EYS: variants seen among roughly 807,000 people sequenced by gnomAD.
The protein encoded by EYS is protein eyes shut homolog.
EYS carries 250 observed loss-of-function variants against 282.1 expected under a neutral mutation model. The observed-to-expected ratio is 0.89, with a 90% CI of 0.80 to 0.98. The LOEUF (loss-of-function observed/expected upper bound fraction) is 0.98. Among genes scored for constraint, EYS ranks in the 50% least tolerant of loss-of-function variants. The pLI is 0.00. For synonymous variants in EYS, 1,355 were observed against 1,282.9 expected, an observed-to-expected ratio of 1.06 and a Z score of -1.20; for missense variants, 4,016 against 3,709.0, an observed-to-expected ratio of 1.08 and a Z score of -2.15.
At chr6:64,510,633 A>T (rs921343938) in intron 26 of EYS, among the ~76,000 whole-genome samples, 2 of 152,196 alleles carry the variant, frequency 1.3e-5, no homozygotes, top group African/African-American at 4.8e-5. Flanking sequence ...AATTGCTGTA[A>T]ATTGTTTTAA....
chr6:65,182,050 G>A (rs932240631), intron 12 of EYS, among the ~76,000 whole-genome samples: 30 of 151,914 alleles, frequency 2.0e-4, no homozygotes, highest in Admixed American at 1.8e-3. Flanking sequence ...ACACACCGGG[G>A]CCTGTTTTGG....
chr6:64,524,585 C>T (rs1777857082), intron 26 of EYS, among the ~76,000 whole-genome samples: 2 of 151,876 alleles, frequency 1.3e-5, no homozygotes, highest in South Asian at 4.2e-4. Context: ...CCTAGGTTGT[C>T]TTCTAGGGTT....
At chr6:64,206,633 C>T (rs898686513) in intron 31 of EYS, among the ~76,000 whole-genome samples, 1 of 152,030 alleles carries the variant, frequency 6.6e-6, no homozygotes, top group Non-Finnish European at 1.5e-5. Flanking sequence ...TCATGATAGC[C>T]ATATGCTAAG....
intron 32 of EYS, among the ~76,000 whole-genome samples, chr6:64,077,983 A>AT (rs1771830139): frequency 6.6e-6 from 1 of 151,840 alleles, no homozygotes; most frequent in Non-Finnish European, 1.5e-5. Context: ...CTTTCTAAGG[A>AT]TTTTTACCGT....
At chr6:65,442,389 T>A (rs1768366455) in intron 5 of EYS, among the ~76,000 whole-genome samples, 1 of 152,048 alleles carries the variant, frequency 6.6e-6, no homozygotes, top group Non-Finnish European at 1.5e-5. Context: ...ACTTAGAAAT[T>A]TTATTATTTA....
intron 35 of EYS, among the ~76,000 whole-genome samples, chr6:63,878,696 C>T (rs1305953447): frequency 6.6e-6 from 1 of 152,232 alleles, no homozygotes; most frequent in East Asian, 1.9e-4. Flanking sequence ...CTCCCCCACC[C>T]TTGCTGTCAC....
In EYS at chr6:64,142,320, A is replaced by G. The variant is rs1454396040; in HGVS notation, c.6425-60318T>C. 2.0e-5 allele frequency among the ~76,000 whole-genome samples: 3 copies of G among 152,014 alleles called. No homozygotes were observed. In the East Asian group the frequency reaches 5.8e-4, roughly 29 times the overall value. On this transcript the variant is annotated intron_variant, in intron 31 of 42. Coordinates refer to ENST00000503581, the MANE Select transcript of EYS (RefSeq NM_001142800.2). ...TACTACAGATGGGATATGTCAGGAAAGTCTTTCAAGCAGAAGTGAACTATA... is the reference window on the plus strand; with the variant it reads ...TACTACAGATGGGATATGTCAGGAAGGTCTTTCAAGCAGAAGTGAACTATA...
intron 13 of EYS, among the ~76,000 whole-genome samples, chr6:65,047,645 G>C (rs1408958064): frequency 6.6e-6 from 1 of 151,818 alleles, no homozygotes; most frequent in Admixed American, 6.6e-5. Context: ...TTCTACTTCT[G>C]GTCTAACATC....
At chr6:65,091,901 A>G (rs1774580685) in intron 12 of EYS, among the ~76,000 whole-genome samples, 2 of 152,160 alleles carry the variant, frequency 1.3e-5, no homozygotes, top group South Asian at 4.1e-4. Flanking sequence ...GAGAGAAAGA[A>G]TAAGTCCACA....
chr6:64,851,316 GA>G (rs1395624193), intron 19 of EYS, among the ~76,000 whole-genome samples: 2 of 151,862 alleles, frequency 1.3e-5, no homozygotes, highest in African/African-American at 4.8e-5. Flanking sequence ...TTTGTTTCGT[GA>G]TTTTTTTTAA....
At chr6:63,876,248 G>T (rs947261863) in intron 35 of EYS, among the ~76,000 whole-genome samples, 6 of 152,208 alleles carry the variant, frequency 3.9e-5, no homozygotes. Context: ...TCATTCAGGA[G>T]CAGGTTGTTC....
chr6:64,301,938 G>A (rs567268321), intron 30 of EYS, among the ~76,000 whole-genome samples: 58 of 152,084 alleles, frequency 3.8e-4, no homozygotes, highest in African/African-American at 1.1e-3. Context: ...GACTTTTTCC[G>A]CTCAGCCCAT....
At chr6:65,098,560 T>C (rs977180363) in intron 12 of EYS, among the ~76,000 whole-genome samples, 4 of 150,762 alleles carry the variant, frequency 2.7e-5, no homozygotes, top group African/African-American at 9.7e-5. Context: ...TGGCTTATCT[T>C]TTGGACCAGA....
At chr6:63,756,961 C>G (rs1412203184) in intron 41 of EYS, among the ~76,000 whole-genome samples, 2 of 152,052 alleles carry the variant, frequency 1.3e-5, no homozygotes, top group Non-Finnish European at 2.9e-5. Context: ...TTAAACTGTA[C>G]AAATTGATCG....
rs534371494 is a variant in EYS at position 65,028,472 on chromosome 6, C to A, written c.2137+29142G>T. ...CATCATCATAGTACAATTACAAAAA[C>A]CAATACTATTGACTATAGTTAATAA... On this transcript the variant is annotated intron_variant, in intron 13 of 42. Coordinates refer to ENST00000503581, the MANE Select transcript of EYS (RefSeq NM_001142800.2). Among the ~76,000 whole-genome samples, 4 of 152,032 alleles carry A rather than the reference C, an allele frequency of 2.6e-5. No homozygotes were observed. In the South Asian group the frequency reaches 8.3e-4, roughly 32 times the overall value.
intron 31 of EYS, among the ~76,000 whole-genome samples, chr6:64,131,445 G>A (rs769356204): frequency 7.2e-5 from 11 of 152,154 alleles, no homozygotes; most frequent in African/African-American, 1.9e-4. Context: ...AATCCAAACA[G>A]TTGTCATGTA....
intron 26 of EYS, among the ~76,000 whole-genome samples, chr6:64,543,414 TATA>T (rs1764748314): frequency 6.6e-6 from 1 of 152,132 alleles, no homozygotes; most frequent in Non-Finnish European, 1.5e-5. Context: ...TTCCTTGATT[TATA>T]ATGATTTTAT....
chr6:64,232,556 A>T (rs1265658129), intron 30 of EYS, among the ~76,000 whole-genome samples: 1 of 151,880 alleles, frequency 6.6e-6, no homozygotes, highest in South Asian at 2.1e-4. Flanking sequence ...TGCCTGGTTA[A>T]TTTTTTGTAT....
intron 13 of EYS, among the ~76,000 whole-genome samples, chr6:65,025,567 C>CT (rs1410125027): frequency 2.6e-5 from 4 of 151,984 alleles, no homozygotes; most frequent in African/African-American, 9.7e-5. Flanking sequence ...TGGTATAAGA[C>CT]TGGTACTCTG....
Sources: allele counts gnomAD v4.1 joint callset (sites outside exome capture counted in the v4.1 genomes callset), GRCh38; gene constraint gnomAD v4.1.1; transcripts MANE v1.5; gene names NCBI Gene and HGNC (gene_info 2026-07-23, HGNC 2026-07-21).